SERPING1: variants seen among roughly 807,000 people sequenced by gnomAD.
SERPING1 encodes the protein serpin family G member 1, also known as plasma protease C1 inhibitor.
A neutral mutation model predicts 34.1 loss-of-function variants in SERPING1; 5 were observed. The ratio of observed to expected loss-of-function variants is 0.15; its 90% CI spans 0.08 to 0.31. SERPING1 has a LOEUF of 0.31. Ranked by LOEUF, SERPING1 falls within the 10% of genes least tolerant of loss-of-function variation. The probability of loss-of-function intolerance (pLI) is 1.00; values close to 1 mark genes in which losing one functional copy is unlikely to be tolerated. For missense variants in SERPING1, 505 were observed against 609.5 expected (o/e 0.83, Z 1.81); for synonymous variants, 225 against 242.4 (o/e 0.93, Z 0.67).
At position 57,614,741 on chromosome 11, in the gene SERPING1, T is replaced by G; in HGVS notation, c.*160T>G. ...CTGAGGGTCTGGGCAAGGGACCTGC[T>G]TCTATTAGCCCTTCTCCATGGCCCT... On this transcript the variant is annotated 3_prime_UTR_variant, in exon 8 of 8. Coordinates refer to ENST00000278407, the MANE Select transcript of SERPING1 (RefSeq NM_000062.3). 2.6e-6 allele frequency: 2 copies of G among 783,596 alleles called. No homozygotes were observed. The highest frequency in any genetic ancestry group is 4.0e-6 in the Non-Finnish European group (2 of 499,120). The allele number at this position is 783,596 out of a possible 1,614,324, so 48.5% of individuals were successfully genotyped here.
chr11:57,605,773 T>C lies in SERPING1; in HGVS notation c.686-237T>C, dbSNP rs981448609. 5 of 588,300 alleles carry C rather than the reference T, an allele frequency of 8.5e-6. No individual in the cohort carries two copies. In the African/African-American group the frequency reaches 9.3e-5, roughly 11 times the overall value. 36.4% of individuals were successfully genotyped at this position (588,300 alleles called of 1,614,324 possible). On this transcript the variant is annotated intron_variant, in intron 4 of 7. Transcript: ENST00000278407. Reference sequence around the variant, plus strand: ...ATTATCTTGCCGAGCCATAGTCACATAGCAAGCTGAGGCAGCGGAGGCTTG... The same window carrying C: ...ATTATCTTGCCGAGCCATAGTCACACAGCAAGCTGAGGCAGCGGAGGCTTG...
intron 6 of SERPING1, among the ~76,000 whole-genome samples, chr11:57,608,323 C>CACACAAA (rs1283756918): frequency 6.6e-6 from 1 of 152,120 alleles, no homozygotes; most frequent in Admixed American, 6.5e-5. Context: ...TTTAAAGTTT[C>CACACAAA]ACACAAAACT....
chr11:57,606,075 C>T lies in SERPING1; in HGVS notation c.751C>T (p.Leu251=), dbSNP rs35788383. Reference sequence around the variant, plus strand: ...CCTGTACAGCAGCAGCCCCAGAGTCCTAAGCAACAACAGTGACGCCAACTT... The same window carrying T: ...CCTGTACAGCAGCAGCCCCAGAGTCTTAAGCAACAACAGTGACGCCAACTT... The part of the protein sequence containing the change: ...RTLYSSSPRV[L]SNNSDANLEL... The change falls in exon 5 of 8, where the codon CTA becomes TTA. Residue 251 remains leucine, a synonymous_variant. Transcript: ENST00000278407. 11,993 of 1,614,120 alleles carry T rather than the reference C, an allele frequency of 7.4e-3. 54 individuals carry two copies. The highest frequency in any genetic ancestry group is 8.6e-3 in the Non-Finnish European group (10,154 of 1,180,022).
Position 57,606,018 on chromosome 11 carries a change from A to G in SERPING1, c.694A>G (p.Ile232Val). Residue 232 changes from isoleucine to valine, a missense_variant, in exon 5 of 8, where the codon ATA (isoleucine) becomes GTA (valine). Ile to Val is a conservative substitution (Grantham distance 29). Coordinates refer to ENST00000278407, the MANE Select transcript of SERPING1 (RefSeq NM_000062.3). ...TCTCAACATACCCCCAGACCTGGCC[A>G]TAAGGGACACCTTTGTGAATGCCTC... ...SQIFHSPDLA[I>V]RDTFVNASRT... 6 of 1,614,086 alleles carry G rather than the reference A, an allele frequency of 3.7e-6. No homozygotes were observed. In the South Asian group the frequency reaches 4.4e-5, roughly 12 times the overall value.
At chr11:57,605,873 G>T in intron 4 of SERPING1, 137 bp from the exon 5 acceptor site, 1 of 852,220 alleles carries the variant, frequency 1.2e-6, no homozygotes. Flanking sequence ...AGAGGAGTGG[G>T]CTGGACCGCG....
At chr11:57,608,423 A>G (rs2042529) in intron 6 of SERPING1, among the ~76,000 whole-genome samples, 22 of 152,344 alleles carry the variant, frequency 1.4e-4, no homozygotes, top group African/African-American at 5.3e-4. Flanking sequence ...CATTCTGGAC[A>G]TATAATATCA....
At chr11:57,614,225 C>G (rs922211975) in intron 7 of SERPING1, 103 bp from the exon 8 acceptor site, 1 of 1,409,336 alleles carries the variant, frequency 7.1e-7, no homozygotes, top group Non-Finnish European at 9.9e-7. Context: ...AGGAAGAGAG[C>G]ACTGGGACTC....
At chr11:57,603,995 C>A (rs1009544184) in intron 4 of SERPING1, among the ~76,000 whole-genome samples, 2 of 151,904 alleles carry the variant, frequency 1.3e-5, no homozygotes, top group Non-Finnish European at 2.9e-5. Flanking sequence ...GTTAAAAATA[C>A]AAAAATTAGC....
Position 57,600,386 on chromosome 11 carries a change from C to G in SERPING1, c.550+9C>G, listed in dbSNP as rs201294420. ...TACCCAGGTCCTGCTCGGTAAGACC[C>G]TGCTTGAATTCTCTCCAGGTCATTT... On this transcript the variant is annotated intron_variant, in intron 3 of 7. Transcript: ENST00000278407. 7.9e-4 allele frequency: 1,272 copies of G among 1,612,010 alleles called. 1 individual carries two copies. Among genetic ancestry groups the G allele is most frequent in the Middle Eastern group, 1.1e-3 (5 of 4,520 alleles).
rs1192508111 is a variant in SERPING1, at chr11:57,605,309, T to TA, written c.686-701_686-700insA. 1.1e-4 allele frequency among the ~76,000 whole-genome samples: 16 copies of TA among 152,208 alleles called. No homozygotes were observed. In the East Asian group the frequency reaches 2.9e-3, roughly 28 times the overall value. The stretch of plus-strand genomic sequence containing the variant: ...CAAAGCCTGGGAAAATATCTTTTTT[T>TA]TTTTTTTGAGACAGAATCTCGCTCT... On this transcript the variant is annotated intron_variant, in intron 4 of 7. Transcript: ENST00000278407.
chr11:57,604,146 A>G (rs916881151), intron 4 of SERPING1, among the ~76,000 whole-genome samples: 8 of 150,774 alleles, frequency 5.3e-5, no homozygotes, highest in Non-Finnish European at 5.9e-5. Flanking sequence ...AAAAAAAAAA[A>G]AAGAAGAATA....
At chr11:57,605,916 T>C (rs1368973345) in intron 4 of SERPING1, 94 bp from the exon 5 acceptor site, 3 of 1,161,584 alleles carry the variant, frequency 2.6e-6, no homozygotes, top group Admixed American at 1.7e-5. Flanking sequence ...AGTGAGCAGA[T>C]AGAACCATAG....
chr11:57,598,714 A>G (rs1945314740), intron 2 of SERPING1, among the ~76,000 whole-genome samples: 1 of 152,192 alleles, frequency 6.6e-6, no homozygotes, highest in Admixed American at 6.5e-5. Flanking sequence ...TTGTTGTAGA[A>G]AAGAGCTGTG....
Position 57,614,601 on chromosome 11 carries a change from G to A in SERPING1, c.*20G>A, listed in dbSNP as rs932271270. 6.2e-7 allele frequency: 1 copy of A among 1,610,870 alleles called. No homozygotes were observed. Among genetic ancestry groups the A allele is most frequent in the African/African-American group, 1.3e-5 (1 of 75,032 alleles). On this transcript the variant is annotated 3_prime_UTR_variant, in exon 8 of 8. Coordinates refer to ENST00000278407, the MANE Select transcript of SERPING1 (RefSeq NM_000062.3). ...GCCTGAGACCTGCAGGATCAGGTTA[G>A]GGCGAGCGCTACCTCTCCAGCCTCA...
intron 2 of SERPING1, among the ~76,000 whole-genome samples, chr11:57,599,062 G>A (rs1216969182): frequency 1.3e-5 from 2 of 152,104 alleles, no homozygotes; most frequent in Admixed American, 1.3e-4. Flanking sequence ...TGAGACCCTG[G>A]ACTAGTTAAT....
In SERPING1 at chr11:57,606,396, T is replaced by C. The variant is rs1362045696; in HGVS notation, c.890-12T>C. 4 of 1,614,116 alleles carry C rather than the reference T, an allele frequency of 2.5e-6. No homozygotes were observed. In the Admixed American group the frequency reaches 6.7e-5, roughly 27 times the overall value. On this transcript the variant is annotated splice_polypyrimidine_tract_variant and intron_variant, in intron 5 of 7. Transcript: ENST00000278407. ...CCTGCATTAGAGCAACCCTCCCACC[T>C]CTTCCCTCTAGCCAAGTGGAAGACA...
At chr11:57,613,235 A>G (rs1364056025) in intron 7 of SERPING1, among the ~76,000 whole-genome samples, 1 of 152,172 alleles carries the variant, frequency 6.6e-6, no homozygotes, top group African/African-American at 2.4e-5. Flanking sequence ...GCAATTCTCC[A>G]GTTATCTGGG....
chr11:57,605,963 A>T (rs1193224252), intron 4 of SERPING1, 47 bp from the exon 5 acceptor site: 1 of 1,536,390 alleles, frequency 6.5e-7, no homozygotes, highest in South Asian at 1.1e-5. Flanking sequence ...TCATGGAAAG[A>T]ACGACGTGTT....
chr11:57,607,849 G>A (rs753130930), intron 6 of SERPING1, among the ~76,000 whole-genome samples: 14 of 152,112 alleles, frequency 9.2e-5, no homozygotes, highest in African/African-American at 2.2e-4. Context: ...TAGTAGAGAC[G>A]GGGTTTCACC....
Sources: gnomAD v4.1 joint callset for allele counts (sites outside exome capture counted in the v4.1 genomes callset) on GRCh38, gnomAD v4.1.1 for gene constraint, MANE v1.5 for transcripts, NCBI Gene and HGNC (gene_info 2026-07-23, HGNC 2026-07-21) for gene names.